The following IL4I1 variants were observed in gnomAD, a reference collection of about 807,000 sequenced individuals.
IL4I1 encodes the protein interleukin 4 induced 1, also known as L-amino-acid oxidase.
A neutral mutation model predicts 29.7 loss-of-function variants in IL4I1; 24 were observed. That is an observed-to-expected ratio of 0.81 (90% confidence interval 0.59 to 1.14). IL4I1 has a LOEUF of 1.14. Ranked by LOEUF, IL4I1 falls within the 50% of genes most tolerant of loss-of-function variation. IL4I1 has a pLI of 0.00. For synonymous variants in IL4I1, 371 were observed against 352.5 expected, an observed-to-expected ratio of 1.05 and a Z score of -0.59; for missense variants, 686 against 785.6, an observed-to-expected ratio of 0.87 and a Z score of 1.52.
intron 5 of IL4I1, 33 bp downstream of exon 5, chr19:49,894,235 T>C (rs767691210): frequency 1.3e-6 from 2 of 1,596,140 alleles, no homozygotes; most frequent in Admixed American, 3.5e-5. Context: ...GACAGAGAAG[T>C]CAGGGCGGGA....
chr19:49,893,362 G>C (rs1025331915), intron 5 of IL4I1, among the ~76,000 whole-genome samples: 3 of 151,858 alleles, frequency 2.0e-5, no homozygotes, highest in Non-Finnish European at 4.4e-5. Flanking sequence ...CAGGCGGCAG[G>C]GGTGGGCACT....
Position 49,895,868 on chromosome 19 carries a change from C to T in IL4I1, c.199G>A (p.Ala67Thr), listed in dbSNP as rs1369614679. 6.8e-6 allele frequency: 11 copies of T among 1,614,200 alleles called. No homozygotes were observed. Among genetic ancestry groups the T allele is most frequent in the African/African-American group, 4.0e-5 (3 of 75,052 alleles). ...LKPQRVIVVG[A>T]GVAGLVAAKV... ...GCGGCCACCAGCCCGGCCACACCAGCGCCAACCACAATCACCCTCTGGGGC... is the reference window on the plus strand; with the variant it reads ...GCGGCCACCAGCCCGGCCACACCAGTGCCAACCACAATCACCCTCTGGGGC... The change falls in exon 3 of 8, where the codon GCT (alanine) becomes ACT (threonine). Residue 67 changes from alanine (A) to threonine (T), a missense_variant. Ala to Thr is a moderately conservative substitution (Grantham distance 58, BLOSUM62 0). Coordinates refer to ENST00000391826, the MANE Select transcript of IL4I1 (RefSeq NM_152899.2).
At chr19:49,894,546 G>T in intron 4 of IL4I1, 77 bp from the exon 5 acceptor site, 1 of 1,190,892 alleles carries the variant, frequency 8.4e-7, no homozygotes, top group Non-Finnish European at 1.2e-6. Context: ...TGGAGAAGAG[G>T]GGTGGGAGGG....
chr19:49,918,605 C>T (rs1264794802), intron 2 of IL4I1: 3 of 152,286 alleles, frequency 2.0e-5, no homozygotes, highest in Middle Eastern at 3.4e-3. Flanking sequence ...CAGGCATAAC[C>T]GACTTGCATT....
chr19:49,920,291 CA>C (rs757082535), intron 2 of IL4I1, among the ~76,000 whole-genome samples: 1 of 152,206 alleles, frequency 6.6e-6, no homozygotes, highest in Non-Finnish European at 1.5e-5. Context: ...CCATGTTGGC[CA>C]GGATGGTATG....
rs777339667 is a variant in IL4I1 at position 49,890,120 on chromosome 19, C to T, written c.1254G>A (p.Leu418=). The stretch of plus-strand genomic sequence containing the variant: ...GCAATGCCGCCACGTCGTCGAGCGC[C>T]AAGCGCAACGCCTCTTCCCGGCTCA... ...AGLSREEALR[L]ALDDVAALHG... The change falls in exon 8 of 8, where the codon TTG becomes TTA. Residue 418 remains leucine (L), a synonymous_variant. Transcript: ENST00000391826. 12 of 1,543,742 alleles carry T rather than the reference C, an allele frequency of 7.8e-6. No homozygotes were observed. The highest frequency in any genetic ancestry group is 7.0e-6 in the Non-Finnish European group (8 of 1,145,332).
intron 2 of IL4I1, among the ~76,000 whole-genome samples, chr19:49,925,377 C>CA (rs2075861615): frequency 6.6e-6 from 1 of 150,794 alleles, no homozygotes; most frequent in Non-Finnish European, 1.5e-5. Context: ...CGTTTGAGCC[C>CA]AGGAATCAGG....
chr19:49,891,977 G>C (rs537978127), intron 5 of IL4I1, among the ~76,000 whole-genome samples: 1 of 151,846 alleles, frequency 6.6e-6, no homozygotes, highest in African/African-American at 2.4e-5. Flanking sequence ...TCTACCGTCC[G>C]TCCCCTGCCC....
At position 49,890,599 on chromosome 19, in the gene IL4I1, AC is replaced by A. The variant is rs1381658385; in HGVS notation, c.774del (p.Gln258HisfsTer17). 1 of 1,538,520 alleles carries A rather than the reference AC, an allele frequency of 6.5e-7. No individual in the cohort carries two copies. The highest frequency in any genetic ancestry group is 1.2e-5 in the South Asian group (1 of 84,120). On this transcript the variant is annotated frameshift_variant and splice_region_variant, in exon 8 of 8. Transcript: ENST00000391826. LOFTEE classifies it low-confidence loss of function (END_TRUNC). The part of the protein sequence containing the change: ...RAHSCLSDRL[Q>X]YSRIVGGWDL... ...TCCCAGCCACCCACGATGCGGCTGT[AC>A]CTGCAGGCGGGGCGGGGCGGGGTGG... is the stretch of plus-strand genomic sequence containing the variant.
At chr19:49,925,325 G>C (rs1035226417) in intron 2 of IL4I1, among the ~76,000 whole-genome samples, 1 of 151,662 alleles carries the variant, frequency 6.6e-6, no homozygotes, top group African/African-American at 2.4e-5. Flanking sequence ...CAGTGGCTCA[G>C]GCTTGTAATC....
rs750018786 is a variant in IL4I1 at position 49,895,844 on chromosome 19, C to T, written c.223G>A (p.Ala75Thr). The change falls in exon 3 of 8, where the codon GCC becomes ACC. Residue 75 changes from alanine (A) to threonine (T), a missense_variant. Coordinates refer to ENST00000391826, the MANE Select transcript of IL4I1 (RefSeq NM_152899.2). ...VGAGVAGLVAAKVLSDAGHKV... is the reference protein window; with the variant it reads ...VGAGVAGLVATKVLSDAGHKV... ...TGTCCAGCATCGCTGAGCACCTTGG[C>T]GGCCACCAGCCCGGCCACACCAGCG... The T allele has an allele frequency of 1.1e-5, 17 of 1,614,000 alleles. No individual in the cohort carries two copies. The highest frequency in any genetic ancestry group is 5.0e-5 in the Admixed American group (3 of 60,000).
chr19:49,890,929 G>GGCCGGC, intron 7 of IL4I1, 42 bp downstream of exon 7: 1 of 454,450 alleles, frequency 2.2e-6, no homozygotes, highest in Non-Finnish European at 3.5e-6. Context: ...TTCCCTGATT[G>GGCCGGC]CCCCCCGCCC....
rs2075131851 is a variant in IL4I1, at chr19:49,891,046, A to G, written c.698T>C (p.Met233Thr). 4 of 1,612,900 alleles carry G rather than the reference A, an allele frequency of 2.5e-6. No homozygotes were observed. The part of the protein sequence containing the change: ...RPAVQLLGDV[M>T]SEDGFFYLSF... ...GAGATAGAAGAAGCCATCCTCGGAC[A>G]TCACGTCTCCCAGAAGCTGCACGGC... The change falls in exon 7 of 8, where the codon ATG becomes ACG. Residue 233 changes from methionine to threonine, a missense_variant. Coordinates refer to ENST00000391826, the MANE Select transcript of IL4I1 (RefSeq NM_152899.2).
In IL4I1 at chr19:49,896,871, C is replaced by T; in HGVS notation, c.-59G>A. ...GGTGACAGCAGGACAGCGCGGTCCT[C>T]TCCACTGCCCTCCACTGTCTCTGCT... On this transcript the variant is annotated 5_prime_UTR_variant, in exon 1 of 8. Transcript: ENST00000391826. The T allele has an allele frequency of 1.0e-6, 1 of 985,612 alleles. No homozygotes were observed. Among genetic ancestry groups the T allele is most frequent in the Non-Finnish European group, 1.2e-6 (1 of 830,026 alleles). 61.1% of individuals were successfully genotyped at this position (985,612 alleles called of 1,614,324 possible). A position where few individuals can be genotyped will look rare whatever the true frequency, so the allele number is the denominator to read the frequency against.
chr19:49,923,011 C>T (rs191888136), intron 2 of IL4I1, among the ~76,000 whole-genome samples: 2 of 152,248 alleles, frequency 1.3e-5, no homozygotes, highest in East Asian at 3.9e-4. Context: ...GACCACTAAG[C>T]GGTGAGTGAT....
At chr19:49,913,471 G>A (rs1390505600) in intron 2 of IL4I1, among the ~76,000 whole-genome samples, 1 of 152,204 alleles carries the variant, frequency 6.6e-6, no homozygotes, top group Non-Finnish European at 1.5e-5. Context: ...CTCTGGAGGG[G>A]CTGGAGTCAG....
At chr19:49,907,592 A>C (rs771534605) in intron 2 of IL4I1, 1 of 401,122 alleles carries the variant, frequency 2.5e-6, no homozygotes. Flanking sequence ...GCTGGAGTGC[A>C]GTGGTGTGAT....
chr19:49,890,816 G>A (rs1384988936), intron 7 of IL4I1, among the ~76,000 whole-genome samples, 155 bp downstream of exon 7: 1 of 151,966 alleles, frequency 6.6e-6, no homozygotes, highest in African/African-American at 2.4e-5. Flanking sequence ...CCTAGGCCGT[G>A]TCCTTTATCT....
upstream of IL4I1, among the ~76,000 whole-genome samples, chr19:49,901,289 C>T (rs1055489013): frequency 6.6e-6 from 1 of 152,182 alleles, no homozygotes; most frequent in Non-Finnish European, 1.5e-5. Flanking sequence ...GATCCTGAGG[C>T]GGGAGAATCG....
Sources: allele counts gnomAD v4.1 joint callset (sites outside exome capture counted in the v4.1 genomes callset), GRCh38; gene constraint gnomAD v4.1.1; transcripts MANE v1.5; gene names NCBI Gene and HGNC (gene_info 2026-07-23, HGNC 2026-07-21).